The following ANAPC7 variants were observed in gnomAD, a reference collection of about 807,000 sequenced individuals.
ANAPC7 encodes the protein anaphase promoting complex subunit 7.
A neutral mutation model predicts 63.3 loss-of-function variants in ANAPC7; 25 were observed. The ratio of observed to expected loss-of-function variants is 0.39; its 90% CI spans 0.29 to 0.55. ANAPC7 has a LOEUF of 0.55. Ranked by LOEUF, ANAPC7 falls within the 20% of genes least tolerant of loss-of-function variation. The pLI, the probability that ANAPC7 is intolerant of heterozygous loss-of-function variation, is 0.57. For synonymous variants in ANAPC7, 241 were observed against 251.7 expected, an observed-to-expected ratio of 0.96 and a Z score of 0.40; for missense variants, 516 against 691.7, an observed-to-expected ratio of 0.75 and a Z score of 2.85.
chr12:110,384,597 A>G lies in ANAPC7; in HGVS notation c.818-1637T>C, dbSNP rs552169267. Among the ~76,000 whole-genome samples, 10 of 149,404 alleles carry G rather than the reference A, an allele frequency of 6.7e-5. No homozygotes were observed. The South Asian group carries it at 2.2e-3, about 33-fold the overall frequency. ...GCTACTCAAGAGGCTGAGGCAGAAA[A>G]TTGCTTAAACCAGGAGGTGGAGGTT... is the stretch of plus-strand genomic sequence containing the variant. On this transcript the variant is annotated intron_variant, in intron 6 of 10. Coordinates refer to ENST00000455511, the MANE Select transcript of ANAPC7 (RefSeq NM_016238.3).
At chr12:110,390,242 T>C (rs1324915068) in intron 3 of ANAPC7, among the ~76,000 whole-genome samples, 1 of 151,944 alleles carries the variant, frequency 6.6e-6, no homozygotes, top group Non-Finnish European at 1.5e-5. Context: ...CTAATTTTTT[T>C]TTTGTATTTT....
Position 110,381,865 on chromosome 12 carries a change from T to C in ANAPC7, c.1019A>G (p.Gln340Arg). Reference protein sequence around the residue: ...KAIQLNSNSVQALLLKGAALR... With the variant: ...KAIQLNSNSVRALLLKGAALR... ...TGCTGCTCCCTTAAGTAGCAGAGCT[T>C]GAACACTATTACTGTTCAGCTGAAT... The change falls in exon 8 of 11, where the codon CAA becomes CGA. Residue 340 changes from glutamine (Q) to arginine (R), a missense_variant. By Grantham distance (43) the Gln-to-Arg change is conservative. Transcript: ENST00000455511. 1 of 1,612,924 alleles carries C rather than the reference T, an allele frequency of 6.2e-7. No homozygotes were observed. Among genetic ancestry groups the C allele is most frequent in the Non-Finnish European group, 8.5e-7 (1 of 1,179,838 alleles).
At chr12:110,393,636 G>A (rs184049005) in intron 3 of ANAPC7, among the ~76,000 whole-genome samples, 124 of 152,276 alleles carry the variant, frequency 8.1e-4, no homozygotes, top group Middle Eastern at 3.4e-3. Flanking sequence ...GTGAGGCCGA[G>A]GTGGGTGGAT....
intron 8 of ANAPC7, chr12:110,377,861 A>C (rs1881431747): frequency 1.5e-6 from 2 of 1,374,160 alleles, no homozygotes; most frequent in East Asian, 2.8e-5. Context: ...TTAGGGAAGG[A>C]AACAAGCACA....
rs1413671355 is a variant in ANAPC7 at position 110,395,179 on chromosome 12, T to C, written c.330A>G (p.Glu110=). Reference sequence around the variant, plus strand: ...TATCTTGTTTTAGCATTGTATAACATTCAGCCATTTTGTATTTCACTTCAA... The same window carrying C: ...TATCTTGTTTTAGCATTGTATAACACTCAGCCATTTTGTATTTCACTTCAA... The part of the protein sequence containing the change: ...SEIEVKYKMA[E]CYTMLKQDKD... Residue 110 remains glutamate, a synonymous_variant, in exon 3 of 11, where the codon GAA becomes GAG. Transcript: ENST00000455511. 2 of 1,613,216 alleles carry C rather than the reference T, an allele frequency of 1.2e-6. No individual in the cohort carries two copies. The highest frequency in any genetic ancestry group is 4.5e-5 in the East Asian group (2 of 44,882).
At chr12:110,379,832 C>T (rs1365069446) in intron 8 of ANAPC7, among the ~76,000 whole-genome samples, 2 of 152,204 alleles carry the variant, frequency 1.3e-5, no homozygotes, top group African/African-American at 4.8e-5. Context: ...ATGTCTGTGA[C>T]TGAGTCACCA....
intron 5 of ANAPC7, 30 bp from the exon 6 acceptor site, chr12:110,386,499 T>C: frequency 7.0e-6 from 11 of 1,566,762 alleles, no homozygotes; most frequent in Non-Finnish European, 9.6e-6. Flanking sequence ...CATTGAACCT[T>C]TAAATCTATT....
At chr12:110,383,725 A>C (rs1882154571) in intron 6 of ANAPC7, among the ~76,000 whole-genome samples, 1 of 150,562 alleles carries the variant, frequency 6.6e-6, no homozygotes, top group Non-Finnish European at 1.5e-5. Context: ...AAAATACAAA[A>C]ATTAGCTGGG....
At chr12:110,374,790 G>A (rs1419307723) in intron 10 of ANAPC7, among the ~76,000 whole-genome samples, 3 of 152,120 alleles carry the variant, frequency 2.0e-5, no homozygotes, top group African/African-American at 7.2e-5. Context: ...CAGCATTTCA[G>A]GAGCCAACCA....
At position 110,395,184 on chromosome 12, in the gene ANAPC7, C is replaced by T. The variant is rs1883466390; in HGVS notation, c.325G>A (p.Ala109Thr). 2.5e-6 allele frequency: 4 copies of T among 1,612,844 alleles called. No homozygotes were observed. The Admixed American group carries it at 5.0e-5, about 20-fold the overall frequency. ...PSEIEVKYKM[A>T]ECYTMLKQDK... ...TGTTTTAGCATTGTATAACATTCAG[C>T]CATTTTGTATTTCACTTCAATTTCA... The change falls in exon 3 of 11, where the codon GCT becomes ACT. Residue 109 changes from alanine to threonine, a missense_variant. Coordinates refer to ENST00000455511, the MANE Select transcript of ANAPC7 (RefSeq NM_016238.3).
intron 3 of ANAPC7, among the ~76,000 whole-genome samples, chr12:110,392,140 CT>C (rs1263927499): frequency 6.7e-6 from 1 of 148,848 alleles, no homozygotes; most frequent in African/African-American, 2.5e-5. Flanking sequence ...AGGAAGATAC[CT>C]TGAGCATTGC....
intron 10 of ANAPC7, chr12:110,375,834 T>C (rs768645921): frequency 1.4e-4 from 176 of 1,217,734 alleles, no homozygotes; most frequent in Non-Finnish European, 1.6e-4. Context: ...ACAGATGTTA[T>C]AGTGGTGTGG....
At chr12:110,392,202 A>C (rs1883162163) in intron 3 of ANAPC7, among the ~76,000 whole-genome samples, 1 of 152,146 alleles carries the variant, frequency 6.6e-6, no homozygotes, top group African/African-American at 2.4e-5. Flanking sequence ...GTAAGAGAAG[A>C]CTTTCATAGG....
chr12:110,391,572 G>A (rs1484032193), intron 3 of ANAPC7, among the ~76,000 whole-genome samples: 1 of 152,144 alleles, frequency 6.6e-6, no homozygotes, highest in African/African-American at 2.4e-5. Context: ...GCTCCTAGCT[G>A]TAAGAGCACT....
intron 3 of ANAPC7, among the ~76,000 whole-genome samples, chr12:110,392,985 G>C (rs894909920): frequency 6.6e-6 from 1 of 152,000 alleles, no homozygotes; most frequent in African/African-American, 2.4e-5. Flanking sequence ...AGTAGAGACG[G>C]GGTTTCTCCA....
At chr12:110,389,081 T>TAAAAAAA (rs778746037) in intron 3 of ANAPC7, among the ~76,000 whole-genome samples, 10 of 98,244 alleles carry the variant, frequency 1.0e-4, no homozygotes, top group Non-Finnish European at 1.6e-4. Flanking sequence ...GACTCCATCT[T>TAAAAAAA]AAAAAAAAAA....
intron 5 of ANAPC7, 196 bp from the exon 6 acceptor site, chr12:110,386,665 A>C: frequency 1.9e-6 from 1 of 519,652 alleles, no homozygotes; most frequent in Non-Finnish European, 3.3e-6. Context: ...ATAAAGCAGA[A>C]GTCTCTCAGT....
At chr12:110,381,527 G>A (rs1409510490) in intron 8 of ANAPC7, among the ~76,000 whole-genome samples, 1 of 152,012 alleles carries the variant, frequency 6.6e-6, no homozygotes, top group African/African-American at 2.4e-5. Context: ...AGTAGAGACG[G>A]GGTTTCACCA....
intron 3 of ANAPC7, among the ~76,000 whole-genome samples, chr12:110,390,069 A>G (rs1392952218): frequency 3.3e-5 from 5 of 152,042 alleles, no homozygotes; most frequent in Non-Finnish European, 5.9e-5. Flanking sequence ...CCAATTTAAA[A>G]TTAGATTTTT....
Sources: allele counts gnomAD v4.1 joint callset (sites outside exome capture counted in the v4.1 genomes callset), GRCh38; gene constraint gnomAD v4.1.1; transcripts MANE v1.5; gene names NCBI Gene and HGNC (gene_info 2026-07-23, HGNC 2026-07-21).